The following SERF2 variants were observed in gnomAD, a reference collection of about 807,000 sequenced individuals.
SERF2 encodes the protein gastric cancer-related protein VRG107.
A neutral mutation model predicts 10.7 loss-of-function variants in SERF2; 4 were observed. That is an observed-to-expected ratio of 0.37 (90% CI 0.18 to 0.86). The LOEUF is 0.86. Ranked by LOEUF, SERF2 falls within the 40% of genes least tolerant of loss-of-function variation. The probability of loss-of-function intolerance (pLI) is 0.43; values close to 1 mark genes in which losing one functional copy is unlikely to be tolerated. For synonymous variants in SERF2, 26 were observed against 26.0 expected, an observed-to-expected ratio of 1.00 and a Z score of 0.01; for missense variants, 47 against 79.1, an observed-to-expected ratio of 0.59 and a Z score of 1.54.
intron 1 of SERF2, among the ~76,000 whole-genome samples, chr15:43,779,577 G>C (rs1272331561): frequency 6.6e-6 from 1 of 151,818 alleles, no homozygotes; most frequent in African/African-American, 2.4e-5. Flanking sequence ...CTGCATCCTC[G>C]AACTCCTGGG....
At chr15:43,792,834 G>T in intron 1 of SERF2, 141 bp from the exon 2 acceptor site, 4 of 717,638 alleles carry the variant, frequency 5.6e-6, no homozygotes, top group Admixed American at 5.1e-5. Flanking sequence ...ACCCCAAGCA[G>T]CCTGGGCCTC....
chr15:43,788,721 G>A (rs191884033), upstream of SERF2, among the ~76,000 whole-genome samples: 1 of 152,316 alleles, frequency 6.6e-6, no homozygotes, highest in South Asian at 2.1e-4. Flanking sequence ...CACAGGCTGG[G>A]TTAGACTCTC....
intron 2 of SERF2, 109 bp from the exon 3 acceptor site, chr15:43,793,601 G>C (rs2087125262): frequency 6.3e-7 from 1 of 1,594,326 alleles, no homozygotes; most frequent in South Asian, 1.1e-5. Flanking sequence ...GCCAAACGCT[G>C]AACTTAGTCC....
intron 1 of SERF2, among the ~76,000 whole-genome samples, chr15:43,783,805 A>G (rs983693789): frequency 6.6e-6 from 1 of 151,138 alleles, no homozygotes; most frequent in Admixed American, 6.6e-5. Flanking sequence ...TCTGTCGTCC[A>G]GGCTGGAGTG....
chr15:43,792,172 C>G, upstream of SERF2: 1 of 609,876 alleles, frequency 1.6e-6, no homozygotes, highest in Non-Finnish European at 3.0e-6. Context: ...GCTCCGCCTG[C>G]GACCCTCCGC....
chr15:43,789,949 TG>T (rs1470704677), upstream of SERF2, among the ~76,000 whole-genome samples: 2 of 152,062 alleles, frequency 1.3e-5, no homozygotes, highest in Admixed American at 6.6e-5. Context: ...GAGACCAGCC[TG>T]ACCAACATGG....
chr15:43,790,945 T>G (rs1350651478), upstream of SERF2, among the ~76,000 whole-genome samples: 2 of 148,420 alleles, frequency 1.3e-5, no homozygotes, highest in Non-Finnish European at 3.0e-5. Context: ...TTTTTTTGTA[T>G]TTTTAGTAGA....
In SERF2 at chr15:43,795,081, G is replaced by C; in HGVS notation, c.*1308G>C. ...AGATAAGGGGCTGGGGTTTCTGGGT[G>C]GGGGGCCAACAGAGTGGTGCCAGTA... On this transcript the variant is annotated 3_prime_UTR_variant, in exon 3 of 3. Transcript: ENST00000249786. The C allele has an allele frequency of 6.2e-7, 1 of 1,613,620 alleles. No homozygotes were observed. Among genetic ancestry groups the C allele is most frequent in the African/African-American group, 1.3e-5 (1 of 75,016 alleles).
At position 43,795,803 on chromosome 15, in the gene SERF2, C is replaced by T. The variant is rs1274979494; in HGVS notation, c.*2030C>T. 9 of 1,534,648 alleles carry T rather than the reference C, an allele frequency of 5.9e-6. No homozygotes were observed. Among genetic ancestry groups the T allele is most frequent in the Non-Finnish European group, 8.0e-6 (9 of 1,123,536 alleles). ...GTGAGGGTGTTAATCTAGGAAACTTCCCCCGTGAAAAGATTGGTCTAGTAT... is the reference window on the plus strand; with the variant it reads ...GTGAGGGTGTTAATCTAGGAAACTTTCCCCGTGAAAAGATTGGTCTAGTAT... On this transcript the variant is annotated 3_prime_UTR_variant, in exon 3 of 3. Transcript: ENST00000249786.
At chr15:43,780,202 C>A (rs535478257) in intron 1 of SERF2, among the ~76,000 whole-genome samples, 2 of 152,048 alleles carry the variant, frequency 1.3e-5, no homozygotes, top group South Asian at 4.1e-4. Context: ...TGCAATGGTG[C>A]GATCTTGGCT....
chr15:43,787,467 C>T (rs1055786250), upstream of SERF2, among the ~76,000 whole-genome samples: 1 of 151,818 alleles, frequency 6.6e-6, no homozygotes. Context: ...GTGCGATTTC[C>T]GCTCACCGCA....
chr15:43,782,646 TTC>T (rs1317852833), intron 1 of SERF2, among the ~76,000 whole-genome samples: 1 of 152,194 alleles, frequency 6.6e-6, no homozygotes, highest in Non-Finnish European at 1.5e-5. Context: ...GGGATCTCCC[TTC>T]TATCTCAGCT....
chr15:43,790,393 GGA>G (rs1019451336), upstream of SERF2, among the ~76,000 whole-genome samples: 2 of 151,970 alleles, frequency 1.3e-5, no homozygotes, highest in African/African-American at 2.4e-5. Context: ...ACAGGGAGAG[GGA>G]GAGAGAGAAA....
intron 1 of SERF2, among the ~76,000 whole-genome samples, chr15:43,780,578 C>A (rs933193643): frequency 2.6e-5 from 4 of 152,132 alleles, no homozygotes; most frequent in Non-Finnish European, 5.9e-5. Flanking sequence ...ATTTCCCCCT[C>A]CTCCCAGCCC....
At position 43,795,228 on chromosome 15, in the gene SERF2, G is replaced by C. The variant is rs147161959; in HGVS notation, c.*1455G>C. ...CTCCCTCATAGCTGTGTAACCAAAG[G>C]CTCTGGTTAGAGAATATGAAGGGCC... On this transcript the variant is annotated 3_prime_UTR_variant, in exon 3 of 3. Coordinates refer to ENST00000249786, the MANE Select transcript of SERF2 (RefSeq NM_001018108.4). 1.9e-4 allele frequency: 306 copies of C among 1,611,806 alleles called. 1 individual carries two copies. In the Middle Eastern group the frequency reaches 4.5e-3, roughly 24 times the overall value.
At chr15:43,792,207 C>A (rs1385467412), upstream of SERF2, 8 of 663,528 alleles carry the variant, frequency 1.2e-5, no homozygotes, top group African/African-American at 1.2e-4. Flanking sequence ...GGCTCAAGCA[C>A]GACCCGTGGA....
intron 1 of SERF2, among the ~76,000 whole-genome samples, chr15:43,784,245 C>T (rs1053225873): frequency 1.3e-5 from 2 of 152,090 alleles, no homozygotes; most frequent in Non-Finnish European, 2.9e-5. Flanking sequence ...TATTTGATAA[C>T]ATTGCCCCAT....
chr15:43,777,384 C>G, exon 1 of SERF2: 1 of 307,442 alleles, frequency 3.3e-6, no homozygotes, highest in Non-Finnish European at 6.5e-6. Flanking sequence ...CCAGTTAGCC[C>G]CGAGCTTCGG....
At chr15:43,779,576 C>T (rs897676378) in intron 1 of SERF2, among the ~76,000 whole-genome samples, 6 of 152,006 alleles carry the variant, frequency 3.9e-5, no homozygotes, top group Admixed American at 1.3e-4. Flanking sequence ...ACTGCATCCT[C>T]GAACTCCTGG....
Sources: allele counts gnomAD v4.1 joint callset (sites outside exome capture counted in the v4.1 genomes callset), GRCh38; gene constraint gnomAD v4.1.1; transcripts MANE v1.5; gene names NCBI Gene and HGNC (gene_info 2026-07-23, HGNC 2026-07-21).